The following TCF24 variants were observed in gnomAD, a reference collection of about 807,000 sequenced individuals.
TCF24 encodes transcription factor 24.
TCF24 carries 5 observed loss-of-function variants against 9.3 expected under a neutral mutation model. That is an observed-to-expected ratio of 0.54 (90% CI 0.28 to 1.13). The LOEUF is 1.13. TCF24 is among the 50% of genes most tolerant of loss of function. TCF24 has a pLI of 0.09. For missense variants in TCF24, 220 were observed against 236.1 expected, an observed-to-expected ratio of 0.93 and a Z score of 0.45; for synonymous variants, 110 against 115.8, an observed-to-expected ratio of 0.95 and a Z score of 0.32.
intron 3 of TCF24, among the ~76,000 whole-genome samples, chr8:66,952,655 A>C (rs1814077671): frequency 6.8e-6 from 1 of 147,322 alleles, no homozygotes. Context: ...ATCCTTGTTG[A>C]CTTTCTGTCT....
intron 3 of TCF24, among the ~76,000 whole-genome samples, chr8:66,959,908 T>C (rs1017833923): frequency 1.1e-4 from 17 of 152,186 alleles, no homozygotes; most frequent in Non-Finnish European, 1.5e-5. Context: ...TATTATTACA[T>C]GGAAATGATG....
intron 3 of TCF24, among the ~76,000 whole-genome samples, chr8:66,957,962 A>G (rs2130901690): frequency 6.6e-6 from 1 of 151,486 alleles, no homozygotes; most frequent in African/African-American, 2.4e-5. Flanking sequence ...GTGGAGACAA[A>G]TGAAGGCGTC....
At position 66,948,151 on chromosome 8, in the gene TCF24, C is replaced by A; in HGVS notation, c.404G>T (p.Arg135Leu). 6.5e-7 allele frequency: 1 copy of A among 1,530,062 alleles called. No individual in the cohort carries two copies. The highest frequency in any genetic ancestry group is 1.2e-5 in the South Asian group (1 of 82,418). 94.8% of individuals were successfully genotyped at this position (1,530,062 alleles called of 1,614,324 possible). A position where few individuals can be genotyped will look rare whatever the true frequency, so the allele number is the denominator to read the frequency against. Residue 135 changes from arginine (R) to leucine (L), a missense_variant, in exon 4 of 4, where the codon CGA (arginine) becomes CTA (leucine). Transcript: ENST00000563496. ...AGTAGCACCGATGTACAATCTTGATCGCATGGGCCATTTCTGAAAAAGATT... is the reference window on the plus strand; with the variant it reads ...AGTAGCACCGATGTACAATCTTGATAGCATGGGCCATTTCTGAAAAAGATT... ...YLHPVKKWPM[R>L]SRLYIGATGQ... is the part of the protein sequence containing the mutation.
chr8:66,961,821 G>A (rs1272361617), intron 2 of TCF24, 33 bp from the exon 3 acceptor site: 18 of 1,072,192 alleles, frequency 1.7e-5, no homozygotes, highest in Non-Finnish European at 1.9e-5. Flanking sequence ...TGAGGCCGGG[G>A]GGCGGTCGGG....
intron 3 of TCF24, among the ~76,000 whole-genome samples, chr8:66,949,684 A>C (rs975510007): frequency 2.0e-5 from 3 of 152,080 alleles, no homozygotes; most frequent in Non-Finnish European, 4.4e-5. Flanking sequence ...CGCCACACTG[A>C]CTTCCCACAA....
intron 3 of TCF24, among the ~76,000 whole-genome samples, chr8:66,950,089 G>A (rs1266111764): frequency 6.6e-5 from 8 of 120,396 alleles, no homozygotes; most frequent in Non-Finnish European, 6.8e-5. Context: ...TTCTTTTGCT[G>A]TGCAGAAGCT....
At chr8:66,958,903 G>A (rs1814211202) in intron 3 of TCF24, among the ~76,000 whole-genome samples, 1 of 152,148 alleles carries the variant, frequency 6.6e-6, no homozygotes, top group Non-Finnish European at 1.5e-5. Flanking sequence ...ACCCCACAGG[G>A]ATTAAAAACT....
intron 3 of TCF24, among the ~76,000 whole-genome samples, chr8:66,955,938 AT>A (rs910875004): frequency 7.3e-5 from 11 of 150,838 alleles, no homozygotes; most frequent in South Asian, 2.1e-4. Context: ...TTTTATTATT[AT>A]TTTTTTTTAT....
At chr8:66,951,458 G>C (rs948634030) in intron 3 of TCF24, among the ~76,000 whole-genome samples, 13 of 149,344 alleles carry the variant, frequency 8.7e-5, no homozygotes, top group African/African-American at 3.2e-4. Context: ...GATCATGGTG[G>C]ATAAGCTTTT....
chr8:66,951,801 C>A (rs1427368339), intron 3 of TCF24, among the ~76,000 whole-genome samples: 1 of 151,942 alleles, frequency 6.6e-6, no homozygotes, highest in African/African-American at 2.4e-5. Context: ...AGAGATTCAA[C>A]TTCTTCCTGG....
chr8:66,955,066 C>T (rs147270713), intron 3 of TCF24: 4,390 of 157,052 alleles, frequency 0.028, 137 homozygotes, highest in African/African-American at 0.079. Context: ...GCGTCGCTCA[C>T]GCTGGGAGCT....
chr8:66,953,456 G>A (rs1460069767), intron 3 of TCF24, among the ~76,000 whole-genome samples: 1 of 152,150 alleles, frequency 6.6e-6, no homozygotes, highest in South Asian at 2.1e-4. Flanking sequence ...GGTTTCTGCC[G>A]AGAGATCCGC....
Position 66,961,441 on chromosome 8 carries a change from C to T in TCF24, c.325G>A (p.Ala109Thr), listed in dbSNP as rs1489620891. 3 of 1,525,874 alleles carry T rather than the reference C, an allele frequency of 2.0e-6. No individual in the cohort carries two copies. The highest frequency in any genetic ancestry group is 2.5e-5 in the East Asian group (1 of 39,810). 94.5% of individuals were successfully genotyped at this position (1,525,874 alleles called of 1,614,324 possible). The change falls in exon 3 of 4, where the codon GCC becomes ACC. Residue 109 changes from alanine to threonine, a missense_variant. By Grantham distance (58) the Ala-to-Thr change is moderately conservative (BLOSUM62 0). Coordinates refer to ENST00000563496, the MANE Select transcript of TCF24 (RefSeq NM_001193502.2). ...AACCCGGCGTCCGCCGGCGCCTCGGCGTCGTCCTGCAGGCTGCGGGTGAGA... is the reference window on the plus strand; with the variant it reads ...AACCCGGCGTCCGCCGGCGCCTCGGTGTCGTCCTGCAGGCTGCGGGTGAGA... The part of the protein sequence containing the change: ...AHLTRSLQDD[A>T]EAPADAGLGA...
At chr8:66,961,271 T>C in intron 3 of TCF24, 105 bp downstream of exon 3, 1 of 1,289,302 alleles carries the variant, frequency 7.8e-7, no homozygotes, top group Non-Finnish European at 9.9e-7. Flanking sequence ...GCTTCCCGCC[T>C]CACCCGAAAA....
chr8:66,961,856 T>A lies in TCF24; in HGVS notation c.-24+21A>T, dbSNP rs553306533. 5.7e-5 allele frequency: 56 copies of A among 984,772 alleles called. No homozygotes were observed. In the East Asian group the frequency reaches 5.3e-3, roughly 94 times the overall value. 61.0% of individuals were successfully genotyped at this position (984,772 alleles called of 1,614,324 possible). On this transcript the variant is annotated intron_variant, in intron 2 of 3. Transcript: ENST00000563496. ...GCTTAACCCGAGAGGCGCAGCCCCCTGGTTCTCCCCGTGCGCCCACCAGCA... is the reference window on the plus strand; with the variant it reads ...GCTTAACCCGAGAGGCGCAGCCCCCAGGTTCTCCCCGTGCGCCCACCAGCA...
At chr8:66,958,112 A>G (rs1193538435) in intron 3 of TCF24, among the ~76,000 whole-genome samples, 1 of 152,104 alleles carries the variant, frequency 6.6e-6, no homozygotes, top group Non-Finnish European at 1.5e-5. Context: ...AAAGGCTTGT[A>G]ATGATTTTAT....
At chr8:66,951,261 G>T (rs1814055571) in intron 3 of TCF24, among the ~76,000 whole-genome samples, 1 of 146,836 alleles carries the variant, frequency 6.8e-6, no homozygotes, top group South Asian at 2.2e-4. Context: ...TTTGAAATAT[G>T]TCCCATCAAG....
intron 3 of TCF24, among the ~76,000 whole-genome samples, chr8:66,956,091 G>A (rs940071781): frequency 3.3e-5 from 5 of 151,732 alleles, no homozygotes; most frequent in African/African-American, 1.2e-4. Context: ...TACCACGCTG[G>A]GCTAATTAAA....
In TCF24 at chr8:66,961,976, T is replaced by C; in HGVS notation, c.-123A>G. ...TGGGGAGAGTTGCGGAACTCCGGAG[T>C]TCTTGGGCTTCCTAGAAGGATAAGA... On this transcript the variant is annotated 5_prime_UTR_variant, in exon 2 of 4. Transcript: ENST00000563496. 4.5e-6 allele frequency: 1 copy of C among 221,670 alleles called. No homozygotes were observed. Among genetic ancestry groups the C allele is most frequent in the Non-Finnish European group, 8.0e-6 (1 of 125,312 alleles). The allele number at this position is 221,670 out of a possible 1,614,324, so 13.7% of individuals were successfully genotyped here.
Sources: allele counts gnomAD v4.1 joint callset (sites outside exome capture counted in the v4.1 genomes callset), GRCh38; gene constraint gnomAD v4.1.1; transcripts MANE v1.5; gene names NCBI Gene and HGNC (gene_info 2026-07-23, HGNC 2026-07-21).